The following EML6 variants were observed in gnomAD, a reference collection of about 807,000 sequenced individuals.
The protein encoded by EML6 is EMAP like 6.
Under a neutral mutation model 240.1 loss-of-function variants are expected in EML6, and 154 were observed. The ratio of observed to expected loss-of-function variants is 0.64; its 90% confidence interval spans 0.56 to 0.73. The LOEUF (loss-of-function observed/expected upper bound fraction) is 0.73. EML6 is among the 30% of genes least tolerant of loss of function. The pLI is 0.00. For synonymous variants in EML6, 1,148 were observed against 899.0 expected (o/e 1.28, Z -4.95); for missense variants, 2,964 against 2,474.6 (o/e 1.20, Z -4.20).
At chr2:54,962,095 T>G (rs565144463) in intron 35 of EML6, among the ~76,000 whole-genome samples, 1 of 148,860 alleles carries the variant, frequency 6.7e-6, no homozygotes, top group Non-Finnish European at 1.5e-5. Flanking sequence ...TTTTTTTTTT[T>G]TTTTAAAGAC....
At position 54,960,229 on chromosome 2, in the gene EML6, A is replaced by G; in HGVS notation, c.4863A>G (p.Glu1621=). ...VTGGKERPTK[E]GGAVKLWDQE... ...TTTCAATCTTTTTTAGGACCAAAGAAGGAGGTGCTGTAAAATTGTGGGACC... is the reference window on the plus strand; with the variant it reads ...TTTCAATCTTTTTTAGGACCAAAGAGGGAGGTGCTGTAAAATTGTGGGACC... Residue 1621 remains glutamate (E), a synonymous_variant, in exon 35 of 42, where the codon GAA becomes GAG. Transcript: ENST00000356458. The G allele has an allele frequency of 1.9e-6, 3 of 1,551,052 alleles. No homozygotes were observed. The highest frequency in any genetic ancestry group is 2.6e-6 in the Non-Finnish European group (3 of 1,146,488).
At chr2:54,924,556 A>T (rs1006848355) in intron 26 of EML6, among the ~76,000 whole-genome samples, 5 of 151,978 alleles carry the variant, frequency 3.3e-5, no homozygotes, top group African/African-American at 9.7e-5. Flanking sequence ...TTTTTTTTTA[A>T]AAAAATTATT....
intron 10 of EML6, among the ~76,000 whole-genome samples, chr2:54,850,897 A>G (rs577394106): frequency 6.6e-6 from 1 of 152,378 alleles, no homozygotes; most frequent in African/African-American, 2.4e-5. Flanking sequence ...TACTTGCATC[A>G]GTAGGGATAC....
At chr2:54,871,466 T>G (rs542730464) in intron 15 of EML6, 34 bp from the exon 16 acceptor site, 2 of 1,451,568 alleles carry the variant, frequency 1.4e-6, no homozygotes, top group African/African-American at 2.8e-5. Context: ...GTATAACGTG[T>G]TAGTAGTTAA....
In EML6 at chr2:54,968,261, T is replaced by C; in HGVS notation, c.5731T>C (p.Phe1911Leu). 1 of 1,551,742 alleles carries C rather than the reference T, an allele frequency of 6.4e-7. No homozygotes were observed. Among genetic ancestry groups the C allele is most frequent in the Non-Finnish European group, 8.7e-7 (1 of 1,147,000 alleles). Residue 1911 changes from phenylalanine to leucine, a missense_variant, in exon 40 of 42, where the codon TTT becomes CTT. Transcript: ENST00000356458. ...CTTTGGGCTGGTGAAGCTCTTTGATTTTCCATGCACAGAAAAATTTGTGAG... is the reference window on the plus strand; with the variant it reads ...CTTTGGGCTGGTGAAGCTCTTTGATCTTCCATGCACAGAAAAATTTGTGAG... Reference protein sequence around the residue: ...DDFGLVKLFDFPCTEKFAKHK... With the variant: ...DDFGLVKLFDLPCTEKFAKHK...
intron 7 of EML6, among the ~76,000 whole-genome samples, chr2:54,833,021 G>A (rs913128389): frequency 1.5e-4 from 23 of 152,186 alleles, no homozygotes; most frequent in Admixed American, 1.4e-3. Context: ...TGGAAATGTA[G>A]CGATTTCTCA....
chr2:54,932,776 A>G (rs1272475928), intron 28 of EML6, among the ~76,000 whole-genome samples: 1 of 152,204 alleles, frequency 6.6e-6, no homozygotes, highest in Non-Finnish European at 1.5e-5. Context: ...CAATTCGTCA[A>G]GTGATGAAAT....
intron 12 of EML6, among the ~76,000 whole-genome samples, chr2:54,862,679 C>T (rs915339735): frequency 6.6e-6 from 1 of 151,916 alleles, no homozygotes; most frequent in African/African-American, 2.4e-5. Flanking sequence ...GCAAAGGACA[C>T]GAGTAAGATG....
At chr2:54,820,543 G>A in intron 5 of EML6, 81 bp downstream of exon 5, 1 of 801,640 alleles carries the variant, frequency 1.2e-6, no homozygotes, top group East Asian at 2.7e-5. Context: ...GATGTTGAGA[G>A]ACTGCTAGAC....
intron 5 of EML6, 71 bp downstream of exon 5, chr2:54,820,533 G>A: frequency 1.1e-6 from 1 of 884,782 alleles, no homozygotes; most frequent in Non-Finnish European, 1.8e-6. Flanking sequence ...TAGATAATTT[G>A]ATGTTGAGAG....
intron 28 of EML6, among the ~76,000 whole-genome samples, chr2:54,944,123 C>CT (rs1299204731): frequency 9.2e-5 from 14 of 152,222 alleles, no homozygotes; most frequent in African/African-American, 3.4e-4. Context: ...TACCCTCTCT[C>CT]TTAATTAATC....
chr2:54,960,287 G>C lies in EML6; in HGVS notation c.4921G>C (p.Glu1641Gln). Residue 1641 changes from glutamate to glutamine, a missense_variant, in exon 35 of 42, where the codon GAG becomes CAG. Physicochemically the swap from Glu to Gln is conservative, Grantham distance 29. Transcript: ENST00000356458. ...GAAGCGCTGCCGGGCCTTTCAGCTG[G>C]AGACCGGGCAGCTGGTGGAGTGTGT... is the stretch of plus-strand genomic sequence containing the variant. ...EMKRCRAFQL[E>Q]TGQLVECVRS... 2 of 1,551,454 alleles carry C rather than the reference G, an allele frequency of 1.3e-6. No individual in the cohort carries two copies. The highest frequency in any genetic ancestry group is 1.7e-6 in the Non-Finnish European group (2 of 1,146,934).
intron 10 of EML6, among the ~76,000 whole-genome samples, chr2:54,853,150 G>C (rs1183717639): frequency 6.6e-6 from 1 of 152,090 alleles, no homozygotes; most frequent in Non-Finnish European, 1.5e-5. Context: ...AAAAATAGAA[G>C]TTCAGGATGA....
intron 2 of EML6, among the ~76,000 whole-genome samples, chr2:54,731,815 C>T (rs553178047): frequency 2.0e-5 from 3 of 152,286 alleles, no homozygotes; most frequent in African/African-American, 7.2e-5. Flanking sequence ...CCTAATTAGG[C>T]AACACTATCC....
chr2:54,845,353 G>A (rs895060549), intron 8 of EML6, among the ~76,000 whole-genome samples: 1 of 152,148 alleles, frequency 6.6e-6, no homozygotes, highest in African/African-American at 2.4e-5. Context: ...TCAGACACGT[G>A]TGAAACTCAT....
rs936898840 is a variant in EML6, at chr2:54,968,856, C to T, written c.5852+88C>T. ...AGGCATCCCGTGGGTCAGCCTCTCC[C>T]AGGGGCATGAGGAGGGCTGATGTGG... On this transcript the variant is annotated intron_variant, in intron 41 of 41. Coordinates refer to ENST00000356458, the MANE Select transcript of EML6 (RefSeq NM_001039753.4). The T allele has an allele frequency of 1.7e-5, 12 of 715,042 alleles. No homozygotes were observed. The African/African-American group carries it at 1.9e-4, about 11-fold the overall frequency. 44.3% of individuals were successfully genotyped at this position (715,042 alleles called of 1,614,324 possible). A position where few individuals can be genotyped will look rare whatever the true frequency, so the allele number is the denominator to read the frequency against.
chr2:54,873,132 T>G (rs1413888454), intron 16 of EML6, among the ~76,000 whole-genome samples: 3 of 152,252 alleles, frequency 2.0e-5, no homozygotes, highest in Non-Finnish European at 4.4e-5. Context: ...ACTAGAATTT[T>G]ACATTATAAA....
At chr2:54,904,982 A>G (rs931498417) in intron 24 of EML6, among the ~76,000 whole-genome samples, 4 of 152,200 alleles carry the variant, frequency 2.6e-5, no homozygotes, top group Admixed American at 6.5e-5. Context: ...CAGGAGTTTT[A>G]TACGGTGCAG....
In EML6 at chr2:54,866,784, C is replaced by A; in HGVS notation, c.1951C>A (p.Pro651Thr). The A allele has an allele frequency of 6.5e-7, 1 of 1,550,320 alleles. No individual in the cohort carries two copies. The highest frequency in any genetic ancestry group is 8.7e-7 in the Non-Finnish European group (1 of 1,145,796). The part of the protein sequence containing the change: ...YDRQVYKEDL[P>T]QLKQQSKEKN... The stretch of plus-strand genomic sequence containing the variant: ...CTTTAAGGTTTACAAAGAAGATCTA[C>A]CTCAGCTAAAGCAACAAAGTAAAGA... Residue 651 changes from proline to threonine, a missense_variant, in exon 14 of 42, where the codon CCT (proline) becomes ACT (threonine). Physicochemically the swap from Pro to Thr is conservative, Grantham distance 38 (BLOSUM62 -1). Transcript: ENST00000356458.
Sources: gnomAD v4.1 joint callset for allele counts (sites outside exome capture counted in the v4.1 genomes callset) on GRCh38, gnomAD v4.1.1 for gene constraint, MANE v1.5 for transcripts, NCBI Gene and HGNC (gene_info 2026-07-23, HGNC 2026-07-21) for gene names.